The following GPHN variants were observed in gnomAD, a reference collection of about 807,000 sequenced individuals.
GPHN encodes gephyrin.
Under a neutral mutation model 95.5 loss-of-function variants are expected in GPHN, and 17 were observed. That is an observed-to-expected ratio of 0.18 (90% confidence interval 0.12 to 0.27). The LOEUF is 0.27. Ranked by LOEUF, GPHN falls within the 10% of genes least tolerant of loss-of-function variation. GPHN has a pLI of 1.00. For synonymous variants in GPHN, 320 were observed against 322.5 expected (o/e 0.99, Z 0.08); for missense variants, 660 against 978.1 (o/e 0.67, Z 4.34).
At chr14:67,159,280 A>G in intron 18 of GPHN, 135 bp from the exon 19 acceptor site, 1 of 702,236 alleles carries the variant, frequency 1.4e-6, no homozygotes, top group Non-Finnish European at 2.6e-6. Flanking sequence ...TATTTGTGTT[A>G]AGCAAATCAA....
intron 2 of GPHN, among the ~76,000 whole-genome samples, chr14:66,686,463 C>T (rs1595548659): frequency 6.6e-6 from 1 of 152,306 alleles, no homozygotes; most frequent in East Asian, 1.9e-4. Context: ...AGAGGTCCTT[C>T]ACATCCCTTG....
At chr14:66,807,088 C>T (rs947542603) in intron 3 of GPHN, among the ~76,000 whole-genome samples, 1 of 152,292 alleles carries the variant, frequency 6.6e-6, no homozygotes, top group Middle Eastern at 3.4e-3. Flanking sequence ...GCCTCACAAT[C>T]ATGGTGGAAG....
chr14:66,511,874 G>A (rs1260576798), intron 1 of GPHN, among the ~76,000 whole-genome samples: 5 of 151,862 alleles, frequency 3.3e-5, no homozygotes, highest in South Asian at 2.1e-4. Flanking sequence ...GAACATATAT[G>A]TATATAAAAT....
chr14:67,225,954 T>C, the GPHN span, among the ~76,000 whole-genome samples: 3 of 138,022 alleles, frequency 2.2e-5, no homozygotes, highest in African/African-American at 6.0e-5. Context: ...TGTGTGTGTG[T>C]GTGTGTGTGC....
At chr14:66,943,316 T>A (rs762025053) in intron 8 of GPHN, among the ~76,000 whole-genome samples, 2 of 152,238 alleles carry the variant, frequency 1.3e-5, no homozygotes, top group African/African-American at 2.4e-5. Flanking sequence ...GTTATAATGG[T>A]AACTCCTTGA....
At chr14:67,066,242 G>A (rs1200460414) in intron 11 of GPHN, among the ~76,000 whole-genome samples, 3 of 152,200 alleles carry the variant, frequency 2.0e-5, no homozygotes, top group Non-Finnish European at 4.4e-5. Context: ...CTTTAAGAAT[G>A]TTGAATATTG....
intron 8 of GPHN, among the ~76,000 whole-genome samples, chr14:66,939,590 C>T (rs2153571778): frequency 6.6e-6 from 1 of 152,254 alleles, no homozygotes; most frequent in South Asian, 2.1e-4. Flanking sequence ...CTCCTCCCCT[C>T]TGCAAATGGT....
At chr14:67,500,700 T>C in the GPHN span, among the ~76,000 whole-genome samples, 1 of 150,490 alleles carries the variant, frequency 6.6e-6, no homozygotes, top group Non-Finnish European at 1.5e-5. Context: ...GCTTCCCGAG[T>C]AGCTGAGACT....
the GPHN span, among the ~76,000 whole-genome samples, chr14:67,709,861 C>A: frequency 6.6e-6 from 1 of 152,148 alleles, no homozygotes; most frequent in African/African-American, 2.4e-5. Flanking sequence ...CTTGGGCCCC[C>A]AAAATCACTA....
chr14:67,111,819 C>T (rs781722981), intron 14 of GPHN, 42 bp from the exon 15 acceptor site: 4 of 1,497,446 alleles, frequency 2.7e-6, no homozygotes, highest in Admixed American at 3.3e-5. Flanking sequence ...TTCTACTGCT[C>T]AGAAATTCTG....
chr14:67,330,154 A>T, the GPHN span, among the ~76,000 whole-genome samples: 4,105 of 105,658 alleles, frequency 0.039, 98 homozygotes, highest in African/African-American at 0.11. Context: ...TAATAATAAT[A>T]ATTATTATTA....
the GPHN span, among the ~76,000 whole-genome samples, chr14:67,422,389 C>T: frequency 6.6e-6 from 1 of 152,190 alleles, no homozygotes; most frequent in East Asian, 1.9e-4. Flanking sequence ...CCATGTCTTA[C>T]ACAGCTAGCA....
intron 6 of GPHN, among the ~76,000 whole-genome samples, chr14:66,919,155 T>A (rs1051216536): frequency 2.6e-5 from 4 of 152,348 alleles, no homozygotes; most frequent in African/African-American, 9.6e-5. Context: ...GTTACCTAGC[T>A]ATACTTTATG....
At chr14:66,604,058 T>G (rs2140871927) in intron 1 of GPHN, among the ~76,000 whole-genome samples, 1 of 152,246 alleles carries the variant, frequency 6.6e-6, no homozygotes, top group South Asian at 2.1e-4. Context: ...TTTAATTGGA[T>G]TAGCTCATTT....
intron 12 of GPHN, among the ~76,000 whole-genome samples, chr14:67,096,142 G>A (rs1217907756): frequency 6.6e-6 from 1 of 152,066 alleles, no homozygotes; most frequent in Non-Finnish European, 1.5e-5. Context: ...CTATGTAGTT[G>A]TTTGACTGAT....
At chr14:67,563,685 G>A in the GPHN span, among the ~76,000 whole-genome samples, 2 of 151,360 alleles carry the variant, frequency 1.3e-5, no homozygotes, top group Admixed American at 6.6e-5. Context: ...CACCCTCTTG[G>A]GCCTCCCAAA....
chr14:66,820,754 G>A (rs2153489928), intron 3 of GPHN, among the ~76,000 whole-genome samples: 1 of 152,170 alleles, frequency 6.6e-6, no homozygotes, highest in South Asian at 2.1e-4. Context: ...TTTTGTTTCT[G>A]TCCTTAACCA....
chr14:67,372,398 A>G, the GPHN span, among the ~76,000 whole-genome samples: 2 of 152,248 alleles, frequency 1.3e-5, no homozygotes, highest in Admixed American at 6.5e-5. Context: ...TAGATAGCAC[A>G]CTAAAAGCGT....
chr14:66,869,479 T>C lies in GPHN; in HGVS notation c.295-10460T>C, dbSNP rs981315069. Among the ~76,000 whole-genome samples, 4 of 152,226 alleles carry C rather than the reference T, an allele frequency of 2.6e-5. 1 individual carries two copies. In the East Asian group the frequency reaches 7.7e-4, roughly 29 times the overall value. Reference sequence around the variant, plus strand: ...TACTCAGCTCTTGCTCTCTTGTCCATCTTCCAGTCCCCATCTCATTCGCTG... The same window carrying C: ...TACTCAGCTCTTGCTCTCTTGTCCACCTTCCAGTCCCCATCTCATTCGCTG... On this transcript the variant is annotated intron_variant, in intron 4 of 22. Transcript: ENST00000478722.
Sources: gnomAD v4.1 joint callset for allele counts (sites outside exome capture counted in the v4.1 genomes callset) on GRCh38, gnomAD v4.1.1 for gene constraint, MANE v1.5 for transcripts, NCBI Gene and HGNC (gene_info 2026-07-23, HGNC 2026-07-21) for gene names.